The following CAMTA1 variants were observed in gnomAD, a reference collection of about 807,000 sequenced individuals.
The protein encoded by CAMTA1 is calmodulin binding transcription activator 1.
CAMTA1 carries 27 observed loss-of-function variants against 170.9 expected under a neutral mutation model. The ratio of observed to expected loss-of-function variants is 0.16; its 90% CI spans 0.12 to 0.22. CAMTA1 has a LOEUF of 0.22. CAMTA1 is among the 10% of genes least tolerant of loss of function. The pLI is 1.00. For synonymous variants in CAMTA1, 833 were observed against 891.5 expected (o/e 0.93, Z 1.17); for missense variants, 1,619 against 2,217.2 (o/e 0.73, Z 5.42).
At chr1:6,900,320 C>T (rs537779553) in intron 3 of CAMTA1, among the ~76,000 whole-genome samples, 6 of 152,226 alleles carry the variant, frequency 3.9e-5, no homozygotes, top group Non-Finnish European at 7.4e-5. Context: ...CTCCCGTTCC[C>T]GTGCAATGAG....
At chr1:7,276,599 G>A (rs747958800) in intron 5 of CAMTA1, among the ~76,000 whole-genome samples, 6 of 151,866 alleles carry the variant, frequency 4.0e-5, no homozygotes, top group African/African-American at 9.7e-5. Flanking sequence ...GTGAGTCACC[G>A]TGCCCAGGCA....
At chr1:6,868,816 G>T (rs1272085780) in intron 3 of CAMTA1, among the ~76,000 whole-genome samples, 2 of 152,184 alleles carry the variant, frequency 1.3e-5, no homozygotes, top group Non-Finnish European at 2.9e-5. Flanking sequence ...GTGAAACTTG[G>T]TGTGTTTCTT....
chr1:6,807,027 G>T (rs773391879), intron 1 of CAMTA1: 2 of 672,920 alleles, frequency 3.0e-6, no homozygotes, highest in South Asian at 3.2e-5. Context: ...TGGAGCTAAG[G>T]GGGAGACGGA....
Position 7,652,163 on chromosome 1 carries a change from T to G in CAMTA1, c.665-9563T>G, listed in dbSNP as rs568030673. ...TAGCTTCTTTGGGTTTTTATAGAAA[T>G]TCCCCCCAAATGCACCTCTAACCAG... On this transcript the variant is annotated intron_variant, in intron 7 of 22. Coordinates refer to ENST00000303635, the MANE Select transcript of CAMTA1 (RefSeq NM_015215.4). Among the ~76,000 whole-genome samples the G allele has an allele frequency of 5.3e-5, 8 of 151,508 alleles. No individual in the cohort carries two copies. In the South Asian group the frequency reaches 6.3e-4, roughly 12 times the overall value.
intron 6 of CAMTA1, among the ~76,000 whole-genome samples, chr1:7,494,532 GGT>G (rs1463218161): frequency 2.0e-5 from 3 of 152,140 alleles, no homozygotes; most frequent in African/African-American, 7.2e-5. Context: ...GGCCGGGTGC[GGT>G]GGCTTACACC....
intron 1 of CAMTA1, among the ~76,000 whole-genome samples, chr1:6,803,902 G>A (rs889865870): frequency 6.6e-6 from 1 of 151,138 alleles, no homozygotes. Context: ...TTTTTTTTTG[G>A]CCAGGCATGG....
chr1:7,334,683 C>T (rs1348579520), intron 5 of CAMTA1, among the ~76,000 whole-genome samples: 2 of 152,138 alleles, frequency 1.3e-5, no homozygotes, highest in Non-Finnish European at 2.9e-5. Context: ...TAAAAATATA[C>T]TCACCAGATG....
chr1:7,340,432 G>C (rs968981685), intron 5 of CAMTA1, among the ~76,000 whole-genome samples: 2 of 152,110 alleles, frequency 1.3e-5, no homozygotes, highest in African/African-American at 4.8e-5. Flanking sequence ...CAGGACCCCT[G>C]TCAGATGCAG....
intron 6 of CAMTA1, among the ~76,000 whole-genome samples, chr1:7,508,535 C>T (rs938133069): frequency 6.6e-6 from 1 of 152,212 alleles, no homozygotes; most frequent in African/African-American, 2.4e-5. Flanking sequence ...GTATGACCTC[C>T]CTGCTCACCC....
At chr1:7,350,988 C>T (rs1273907282) in intron 5 of CAMTA1, among the ~76,000 whole-genome samples, 1 of 152,258 alleles carries the variant, frequency 6.6e-6, no homozygotes, top group Non-Finnish European at 1.5e-5. Context: ...TCTGCCCCAG[C>T]AGCTGCCCAT....
chr1:6,960,815 G>C (rs1690265752), intron 3 of CAMTA1, among the ~76,000 whole-genome samples: 2 of 152,344 alleles, frequency 1.3e-5, no homozygotes, highest in Admixed American at 6.5e-5. Flanking sequence ...TTTGATTTCA[G>C]TGACCAAGCA....
At chr1:7,568,302 TCAC>T (rs920726754) in intron 6 of CAMTA1, among the ~76,000 whole-genome samples, 2 of 142,002 alleles carry the variant, frequency 1.4e-5, no homozygotes, top group Non-Finnish European at 3.0e-5. Flanking sequence ...CACATCACCA[TCAC>T]CACCACCATC....
rs754304581 is a variant in CAMTA1 at position 7,746,030 on chromosome 1, A to C, written c.4556A>C (p.His1519Pro). The change falls in exon 18 of 23, where the codon CAT (histidine) becomes CCT (proline). Residue 1519 changes from histidine (H) to proline (P), a missense_variant. Coordinates refer to ENST00000303635, the MANE Select transcript of CAMTA1 (RefSeq NM_015215.4). ...TTTGCTCAGCTCACTCTGTCTGATC[A>C]TGAACAGAGAGAACTCTATGAGGCT... The part of the protein sequence containing the change: ...NEFAQLTLSD[H>P]EQRELYEAAR... The C allele has an allele frequency of 3.1e-6, 5 of 1,614,162 alleles. No homozygotes were observed. The highest frequency in any genetic ancestry group is 4.2e-6 in the Non-Finnish European group (5 of 1,179,960).
intron 3 of CAMTA1, among the ~76,000 whole-genome samples, chr1:6,892,474 T>A (rs779239611): frequency 1.5e-4 from 23 of 152,124 alleles, no homozygotes; most frequent in Non-Finnish European, 1.8e-4. Flanking sequence ...AATGAGAAGA[T>A]GATGTAGTTT....
chr1:7,587,164 C>A (rs1426077347), intron 6 of CAMTA1, among the ~76,000 whole-genome samples: 1 of 152,078 alleles, frequency 6.6e-6, no homozygotes, highest in African/African-American at 2.4e-5. Context: ...AGGGAAGAGG[C>A]CTCTGTGGCA....
At chr1:7,493,634 C>T (rs1575607285) in intron 6 of CAMTA1, among the ~76,000 whole-genome samples, 1 of 44,616 alleles carries the variant, frequency 2.2e-5, no homozygotes. Flanking sequence ...CATCCATCCC[C>T]CAGGGAACTG....
At chr1:7,119,403 A>G (rs1644516093) in intron 4 of CAMTA1, among the ~76,000 whole-genome samples, 1 of 152,102 alleles carries the variant, frequency 6.6e-6, no homozygotes, top group Admixed American at 6.5e-5. Flanking sequence ...TAACCTCCCC[A>G]TACCCCTCCT....
At chr1:7,691,434 C>T (rs781738496) in intron 11 of CAMTA1, among the ~76,000 whole-genome samples, 4 of 152,130 alleles carry the variant, frequency 2.6e-5, no homozygotes, top group Non-Finnish European at 4.4e-5. Context: ...TCTGAAGAAG[C>T]GCACATGGCA....
intron 6 of CAMTA1, among the ~76,000 whole-genome samples, chr1:7,596,723 G>A (rs1213787003): frequency 1.3e-5 from 2 of 152,226 alleles, no homozygotes; most frequent in African/African-American, 4.8e-5. Context: ...AGCCAAATCC[G>A]TCAAGCCCCA....
Sources: gnomAD v4.1 joint callset for allele counts (sites outside exome capture counted in the v4.1 genomes callset) on GRCh38, gnomAD v4.1.1 for gene constraint, MANE v1.5 for transcripts, NCBI Gene and HGNC (gene_info 2026-07-23, HGNC 2026-07-21) for gene names.